The following FAM13C variants were observed in gnomAD, a reference collection of about 807,000 sequenced individuals.
The protein encoded by FAM13C is family with sequence similarity 13 member C.
Under a neutral mutation model 73.2 loss-of-function variants are expected in FAM13C, and 37 were observed. The observed-to-expected ratio is 0.51, with a 90% CI of 0.39 to 0.67. FAM13C has a LOEUF of 0.67. Among genes scored for constraint, FAM13C ranks in the 30% least tolerant of loss-of-function variants. FAM13C has a pLI of 0.00. For synonymous variants in FAM13C, 246 were observed against 260.9 expected (o/e 0.94, Z 0.55); for missense variants, 589 against 715.6 (o/e 0.82, Z 2.02).
intron 10 of FAM13C, among the ~76,000 whole-genome samples, chr10:59,255,149 C>A (rs1346625076): frequency 6.6e-6 from 1 of 152,174 alleles, no homozygotes; most frequent in East Asian, 1.9e-4. Context: ...TACAGGTCTT[C>A]ATCACTACAT....
At chr10:59,249,385 C>T (rs1357259839) in intron 13 of FAM13C, among the ~76,000 whole-genome samples, 2 of 112,422 alleles carry the variant, frequency 1.8e-5, no homozygotes, top group Non-Finnish European at 3.3e-5. Context: ...GCCCAGGTGA[C>T]AGAGTGAGAC....
At position 59,319,115 on chromosome 10, in the gene FAM13C, ACACATT is replaced by A. The variant is rs201282698; in HGVS notation, c.443+4867_443+4872del. Among the ~76,000 whole-genome samples, 548 of 137,752 alleles carry A rather than the reference ACACATT, an allele frequency of 4.0e-3. 2 individuals carry two copies. The highest frequency in any genetic ancestry group is 7.2e-3 in the Middle Eastern group (2 of 276). The allele number at this position is 137,752 out of a possible 152,430, so 90.4% of individuals were successfully genotyped here. On this transcript the variant is annotated intron_variant, in intron 4 of 13. Transcript: ENST00000618804. ...CACACACACACACACACACACACAC[ACACATT>A]GTCTATCTCAAAAACAAAAGATGAA...
intron 1 of FAM13C, chr10:59,361,133 C>T (rs1364178144): frequency 1.6e-6 from 2 of 1,279,918 alleles, no homozygotes; most frequent in Non-Finnish European, 2.0e-6. Context: ...AACATTGCAG[C>T]ACAGGTTACC....
chr10:59,274,345 A>G (rs547409177), intron 6 of FAM13C, among the ~76,000 whole-genome samples: 2 of 152,314 alleles, frequency 1.3e-5, no homozygotes, highest in Admixed American at 1.3e-4. Flanking sequence ...AACCAAGGCG[A>G]GAAAACAGAT....
chr10:59,362,614 C>T (rs1856551071), upstream of FAM13C: 37 of 1,460,180 alleles, frequency 2.5e-5, no homozygotes, highest in South Asian at 5.1e-4. Flanking sequence ...ACGACACCCC[C>T]AGCAGGGGCC....
At chr10:59,254,621 A>ATT (rs1841763404) in intron 10 of FAM13C, among the ~76,000 whole-genome samples, 178 bp from the exon 11 acceptor site, 2 of 149,316 alleles carry the variant, frequency 1.3e-5, no homozygotes, top group South Asian at 4.3e-4. Context: ...TTATTTATTT[A>ATT]GAGACAGAGT....
intron 5 of FAM13C, among the ~76,000 whole-genome samples, chr10:59,286,011 C>G (rs1488320670): frequency 6.6e-6 from 1 of 152,160 alleles, no homozygotes; most frequent in Non-Finnish European, 1.5e-5. Flanking sequence ...TGGACACAGC[C>G]CAAGTGTCCA....
At chr10:59,260,197 C>G (rs1373489175) in intron 10 of FAM13C, among the ~76,000 whole-genome samples, 3 of 152,168 alleles carry the variant, frequency 2.0e-5, no homozygotes, top group Non-Finnish European at 4.4e-5. Context: ...ATCCAAGCCA[C>G]CCATTCCATC....
chr10:59,338,865 T>C (rs188995008), intron 3 of FAM13C, among the ~76,000 whole-genome samples: 3 of 152,292 alleles, frequency 2.0e-5, no homozygotes, highest in South Asian at 2.1e-4. Context: ...GGAAGCCCCT[T>C]CTTGTATTAG....
At chr10:59,347,163 A>AT (rs1854402713) in intron 3 of FAM13C, among the ~76,000 whole-genome samples, 1 of 152,182 alleles carries the variant, frequency 6.6e-6, no homozygotes, top group Non-Finnish European at 1.5e-5. Flanking sequence ...ACCTTAACTT[A>AT]TTTGGGGGCA....
intron 3 of FAM13C, among the ~76,000 whole-genome samples, chr10:59,327,235 AAAGAAAG>A (rs1433656598): frequency 6.6e-6 from 1 of 152,216 alleles, no homozygotes; most frequent in Non-Finnish European, 1.5e-5. Context: ...GTTTTCTCTT[AAAGAAAG>A]AAGACAGAAG....
At chr10:59,358,910 T>A (rs979782218) in intron 1 of FAM13C, among the ~76,000 whole-genome samples, 3 of 152,214 alleles carry the variant, frequency 2.0e-5, no homozygotes, top group African/African-American at 7.2e-5. Context: ...TAGAGCTACC[T>A]CCTGGCTTAC....
chr10:59,362,143 T>G (rs1270920673), intron 1 of FAM13C, among the ~76,000 whole-genome samples: 2 of 152,078 alleles, frequency 1.3e-5, no homozygotes, highest in Admixed American at 6.5e-5. Flanking sequence ...CAAGAACACA[T>G]ATCTTGGAGC....
intron 3 of FAM13C, among the ~76,000 whole-genome samples, chr10:59,328,051 C>T (rs1170071845): frequency 6.6e-6 from 1 of 152,178 alleles, no homozygotes; most frequent in East Asian, 1.9e-4. Flanking sequence ...TTTCCTGTTC[C>T]CAGCCATCTT....
At chr10:59,350,373 T>C (rs191825876) in intron 3 of FAM13C, among the ~76,000 whole-genome samples, 112 of 152,282 alleles carry the variant, frequency 7.4e-4, no homozygotes, top group African/African-American at 2.5e-3. Flanking sequence ...GAGGGTAGTC[T>C]GAGGAGAGAT....
intron 2 of FAM13C, among the ~76,000 whole-genome samples, chr10:59,354,917 C>T (rs1303849701): frequency 3.3e-5 from 5 of 151,990 alleles, no homozygotes; most frequent in African/African-American, 9.7e-5. Context: ...AAACAATTCT[C>T]TCTACCCTCT....
chr10:59,263,067 G>A (rs1449092288), intron 9 of FAM13C, among the ~76,000 whole-genome samples: 1 of 152,162 alleles, frequency 6.6e-6, no homozygotes, highest in Non-Finnish European at 1.5e-5. Context: ...AAGACATTAT[G>A]CATGTAGACA....
At chr10:59,249,175 C>T (rs79002632) in intron 13 of FAM13C, among the ~76,000 whole-genome samples, 6 of 151,986 alleles carry the variant, frequency 3.9e-5, no homozygotes, top group African/African-American at 1.2e-4. Context: ...GAGGCCGAGG[C>T]GGGCGGATCA....
At chr10:59,344,161 A>G (rs1216721026) in intron 3 of FAM13C, among the ~76,000 whole-genome samples, 1 of 149,302 alleles carries the variant, frequency 6.7e-6, no homozygotes, top group Non-Finnish European at 1.5e-5. Context: ...ATGGGGTTTC[A>G]CCGTTTTAGC....
Sources: allele counts gnomAD v4.1 joint callset (sites outside exome capture counted in the v4.1 genomes callset), GRCh38; gene constraint gnomAD v4.1.1; transcripts MANE v1.5; gene names NCBI Gene and HGNC (gene_info 2026-07-23, HGNC 2026-07-21).